Variants in IL20RB observed in about 807,000 individuals in gnomAD.
The protein encoded by IL20RB is interleukin-20 receptor subunit beta.
Under a neutral mutation model 33.3 loss-of-function variants are expected in IL20RB, and 21 were observed. That is an observed-to-expected ratio of 0.63 (90% CI 0.45 to 0.91). The LOEUF (loss-of-function observed/expected upper bound fraction) is 0.91. Among genes scored for constraint, IL20RB ranks in the 40% least tolerant of loss-of-function variants. The probability of loss-of-function intolerance (pLI) is 0.00; values close to 1 mark genes in which losing one functional copy is unlikely to be tolerated. For synonymous variants in IL20RB, 147 were observed against 146.8 expected, an observed-to-expected ratio of 1.00 and a Z score of -0.01; for missense variants, 345 against 384.8, an observed-to-expected ratio of 0.90 and a Z score of 0.86.
intron 1 of IL20RB, among the ~76,000 whole-genome samples, chr3:136,962,041 AAAT>A (rs769344845): frequency 7.2e-4 from 110 of 152,362 alleles, no homozygotes; most frequent in Admixed American, 7.2e-4. Flanking sequence ...CACTAAAAAT[AAAT>A]AATTGAATAA....
At chr3:136,964,698 A>C (rs1941324480) in intron 1 of IL20RB, among the ~76,000 whole-genome samples, 5 of 80,086 alleles carry the variant, frequency 6.2e-5, no homozygotes, top group African/African-American at 2.8e-4. Flanking sequence ...CTTTAGTTTA[A>C]TTAGATCCCA....
intron 1 of IL20RB, among the ~76,000 whole-genome samples, chr3:136,972,150 C>A (rs1324903587): frequency 1.3e-5 from 2 of 152,142 alleles, no homozygotes; most frequent in Non-Finnish European, 2.9e-5. Flanking sequence ...TGAGAAATGT[C>A]TACTTATGTC....
intron 4 of IL20RB, among the ~76,000 whole-genome samples, chr3:136,991,340 A>AT (rs1166018222): frequency 6.6e-6 from 1 of 152,026 alleles, no homozygotes; most frequent in Admixed American, 6.6e-5. Flanking sequence ...CCTGATGTGT[A>AT]TTTTTTTATA....
Position 136,982,256 on chromosome 3 carries a change from G to A in IL20RB, c.312G>A (p.Thr104=), listed in dbSNP as rs1310063356. 22 of 1,611,728 alleles carry A rather than the reference G, an allele frequency of 1.4e-5. No individual in the cohort carries two copies. The highest frequency in any genetic ancestry group is 3.3e-5 in the Admixed American group (2 of 59,980). The change falls in exon 3 of 7, where the codon ACG becomes ACA. Residue 104 remains threonine, a synonymous_variant. Coordinates refer to ENST00000329582, the MANE Select transcript of IL20RB (RefSeq NM_144717.4). ...GPECDVTDDI[T]ATVPYNLRVR... is the part of the protein sequence containing the mutation. Reference sequence around the variant, plus strand: ...AGTGTGATGTCACTGATGACATCACGGCCACTGTGCCATACAACCTTCGTG... The same window carrying A: ...AGTGTGATGTCACTGATGACATCACAGCCACTGTGCCATACAACCTTCGTG...
At position 136,972,935 on chromosome 3, in the gene IL20RB, T is replaced by A. The variant is rs199876495; in HGVS notation, c.89-7531T>A. Among the ~76,000 whole-genome samples the A allele has an allele frequency of 9.8e-5, 15 of 152,286 alleles. No homozygotes were observed. In the East Asian group the frequency reaches 2.9e-3, roughly 29 times the overall value. On this transcript the variant is annotated intron_variant, in intron 1 of 6. Coordinates refer to ENST00000329582, the MANE Select transcript of IL20RB (RefSeq NM_144717.4). ...TTTTCAATGTAAGCATTTATTGATA[T>A]AAATGTCCCTCTTATTACTGCTTTT...
chr3:136,986,691 T>C (rs1284730046), intron 3 of IL20RB: 13 of 456,650 alleles, frequency 2.8e-5, no homozygotes, highest in Non-Finnish European at 4.0e-5. Context: ...AAACTCCCTG[T>C]AGGAACTGCC....
At chr3:136,994,758 C>T (rs1444108433) in intron 5 of IL20RB, among the ~76,000 whole-genome samples, 2 of 152,152 alleles carry the variant, frequency 1.3e-5, no homozygotes, top group Non-Finnish European at 2.9e-5. Flanking sequence ...GCCAGTCCTA[C>T]CTGGGTAACC....
chr3:136,972,363 A>G (rs1304523828), intron 1 of IL20RB, among the ~76,000 whole-genome samples: 3 of 152,124 alleles, frequency 2.0e-5, no homozygotes, highest in Non-Finnish European at 2.9e-5. Context: ...GATTTTTGCA[A>G]TAGTCTCAGG....
intron 1 of IL20RB, among the ~76,000 whole-genome samples, chr3:136,980,102 T>A (rs1941729720): frequency 6.6e-6 from 1 of 152,194 alleles, no homozygotes; most frequent in Non-Finnish European, 1.5e-5. Context: ...AATAAGACAG[T>A]CATGTAACAA....
chr3:136,998,767 C>T (rs752269279), intron 6 of IL20RB, among the ~76,000 whole-genome samples: 1 of 152,160 alleles, frequency 6.6e-6, no homozygotes, highest in Non-Finnish European at 1.5e-5. Context: ...AAACAATCCT[C>T]TTTCTTGGCC....
intron 1 of IL20RB, among the ~76,000 whole-genome samples, chr3:136,974,368 G>T (rs1941565072): frequency 6.6e-6 from 1 of 152,140 alleles, no homozygotes; most frequent in South Asian, 2.1e-4. Flanking sequence ...GTCTGTTAAA[G>T]ACTATTTCAC....
At chr3:136,961,316 A>C (rs1405469557) in intron 1 of IL20RB, among the ~76,000 whole-genome samples, 1 of 152,208 alleles carries the variant, frequency 6.6e-6, no homozygotes, top group Non-Finnish European at 1.5e-5. Flanking sequence ...GAATTTAACA[A>C]AATTTTAACT....
At chr3:136,987,019 T>C (rs1941917615) in intron 3 of IL20RB, among the ~76,000 whole-genome samples, 1 of 151,970 alleles carries the variant, frequency 6.6e-6, no homozygotes, top group Admixed American at 6.6e-5. Context: ...ACCTTCGCGG[T>C]GAGTGTTACA....
chr3:136,991,114 T>C (rs1353624423), intron 4 of IL20RB, among the ~76,000 whole-genome samples: 1 of 152,130 alleles, frequency 6.6e-6, no homozygotes, highest in Non-Finnish European at 1.5e-5. Context: ...AACAGACGGA[T>C]GGACAGATGG....
chr3:136,964,538 GTTGT>G (rs1384084132), intron 1 of IL20RB, among the ~76,000 whole-genome samples: 16 of 54,418 alleles, frequency 2.9e-4, no homozygotes, highest in Non-Finnish European at 4.9e-4. Flanking sequence ...TTTTGATGGG[GTTGT>G]TTGTTTTTTT....
intron 3 of IL20RB, chr3:136,986,589 T>A (rs1941904486): frequency 2.3e-6 from 1 of 434,208 alleles, no homozygotes; most frequent in Non-Finnish European, 4.7e-6. Flanking sequence ...GCTTCCCAAG[T>A]CCTCCTGACC....
At chr3:137,001,093 G>A (rs1211490715) in intron 6 of IL20RB, among the ~76,000 whole-genome samples, 2 of 152,156 alleles carry the variant, frequency 1.3e-5, no homozygotes, top group Admixed American at 6.5e-5. Flanking sequence ...TGTATCATGA[G>A]CCACACCCTA....
chr3:136,977,533 A>G (rs1479129494), intron 1 of IL20RB, among the ~76,000 whole-genome samples: 2 of 151,996 alleles, frequency 1.3e-5, no homozygotes, highest in Non-Finnish European at 2.9e-5. Context: ...ATAGAAATAT[A>G]ATTTTTTTTT....
chr3:137,001,454 C>T lies in IL20RB; in HGVS notation c.825+5898C>T, dbSNP rs574984392. On this transcript the variant is annotated intron_variant, in intron 6 of 6. Transcript: ENST00000329582. ...CTGTGAATCAATACTGCCACCTCCCCTCTCTCCGCTATGACTTTAGCATAG... is the reference window on the plus strand; with the variant it reads ...CTGTGAATCAATACTGCCACCTCCCTTCTCTCCGCTATGACTTTAGCATAG... Among the ~76,000 whole-genome samples the T allele has an allele frequency of 9.2e-5, 14 of 152,346 alleles. No individual in the cohort carries two copies. In the South Asian group the frequency reaches 2.7e-3, roughly 29 times the overall value.
Sources: allele counts gnomAD v4.1 joint callset (sites outside exome capture counted in the v4.1 genomes callset), GRCh38; gene constraint gnomAD v4.1.1; transcripts MANE v1.5; gene names NCBI Gene and HGNC (gene_info 2026-07-23, HGNC 2026-07-21).